PAPPA2: variants seen among roughly 807,000 people sequenced by gnomAD.
PAPPA2 encodes the protein pappalysin 2, also known as pappalysin-2.
Under a neutral mutation model 176.4 loss-of-function variants are expected in PAPPA2, and 86 were observed. The ratio of observed to expected loss-of-function variants is 0.49; its 90% CI spans 0.41 to 0.58. The LOEUF (loss-of-function observed/expected upper bound fraction) is 0.58. PAPPA2 is among the 20% of genes least tolerant of loss of function. The pLI, the probability that PAPPA2 is intolerant of heterozygous loss-of-function variation, is 0.00. For missense variants in PAPPA2, 2,073 were observed against 2,256.9 expected, an observed-to-expected ratio of 0.92 and a Z score of 1.65; for synonymous variants, 809 against 852.2, an observed-to-expected ratio of 0.95 and a Z score of 0.88.
chr1:176,550,607 G>A (rs1258802403), intron 1 of PAPPA2, among the ~76,000 whole-genome samples: 1 of 152,180 alleles, frequency 6.6e-6, no homozygotes, highest in African/African-American at 2.4e-5. Context: ...GAGGTGTTGG[G>A]AAACTTAACC....
intron 14 of PAPPA2, among the ~76,000 whole-genome samples, chr1:176,740,980 A>G (rs979605273): frequency 1.3e-5 from 2 of 152,150 alleles, no homozygotes; most frequent in Non-Finnish European, 2.9e-5. Flanking sequence ...GAAGTGCTCC[A>G]TCACCAAAAA....
chr1:176,601,474 C>T (rs1654317967), intron 3 of PAPPA2, among the ~76,000 whole-genome samples: 1 of 152,164 alleles, frequency 6.6e-6, no homozygotes, highest in Non-Finnish European at 1.5e-5. Context: ...ACATCTGCAA[C>T]CCAGATGGGC....
At chr1:176,721,374 G>T (rs1191632461) in intron 12 of PAPPA2, among the ~76,000 whole-genome samples, 4 of 152,132 alleles carry the variant, frequency 2.6e-5, no homozygotes, top group Non-Finnish European at 5.9e-5. Flanking sequence ...CCTCTCCAGT[G>T]CTCTTTAATC....
intron 3 of PAPPA2, among the ~76,000 whole-genome samples, chr1:176,598,493 A>G (rs890865226): frequency 1.1e-4 from 17 of 152,208 alleles, no homozygotes; most frequent in African/African-American, 4.1e-4. Context: ...TTGTTGCAGA[A>G]CAAAGTACTA....
chr1:176,604,323 G>C (rs1654492329), intron 3 of PAPPA2, among the ~76,000 whole-genome samples: 2 of 152,138 alleles, frequency 1.3e-5, no homozygotes, highest in Non-Finnish European at 2.9e-5. Context: ...CCACTAGAAA[G>C]TAAATTCTAC....
intron 12 of PAPPA2, among the ~76,000 whole-genome samples, chr1:176,736,713 C>A (rs983176728): frequency 2.3e-4 from 34 of 150,438 alleles, no homozygotes; most frequent in South Asian, 4.2e-4. Context: ...GTTTCTATGT[C>A]CTTATGTACA....
intron 18 of PAPPA2, among the ~76,000 whole-genome samples, chr1:176,790,578 C>T (rs1665130991): frequency 6.6e-6 from 1 of 152,064 alleles, no homozygotes; most frequent in African/African-American, 2.4e-5. Context: ...TCTTAGTTTC[C>T]AGTACTCCAA....
chr1:176,502,067 G>C (rs879448496), intron 1 of PAPPA2, among the ~76,000 whole-genome samples: 14 of 152,146 alleles, frequency 9.2e-5, no homozygotes, highest in Non-Finnish European at 1.9e-4. Flanking sequence ...AAATAAGCAG[G>C]ATTGACACTT....
intron 12 of PAPPA2, among the ~76,000 whole-genome samples, chr1:176,721,890 T>G (rs1661641288): frequency 6.6e-6 from 1 of 152,134 alleles, no homozygotes; most frequent in African/African-American, 2.4e-5. Context: ...ACACCTTTTT[T>G]TGTGTATCTT....
At chr1:176,713,788 A>G (rs1661246716) in intron 12 of PAPPA2, among the ~76,000 whole-genome samples, 1 of 152,250 alleles carries the variant, frequency 6.6e-6, no homozygotes, top group African/African-American at 2.4e-5. Flanking sequence ...AGGCACATAG[A>G]TGCCTAAACA....
At chr1:176,628,175 G>A (rs1360135522) in intron 3 of PAPPA2, among the ~76,000 whole-genome samples, 1 of 151,982 alleles carries the variant, frequency 6.6e-6, no homozygotes, top group South Asian at 2.1e-4. Flanking sequence ...CTAGGTTTGG[G>A]ATTTTGCCAA....
At chr1:176,569,259 C>A (rs914048742) in intron 2 of PAPPA2, among the ~76,000 whole-genome samples, 1 of 152,230 alleles carries the variant, frequency 6.6e-6, no homozygotes, top group African/African-American at 2.4e-5. Flanking sequence ...AACACCAAAC[C>A]ATTAGCAGTG....
chr1:176,769,834 G>C, intron 16 of PAPPA2, 50 bp downstream of exon 16: 2 of 1,508,802 alleles, frequency 1.3e-6, no homozygotes, highest in Non-Finnish European at 1.8e-6. Context: ...GCCATCCCTC[G>C]CTCTTGAGGG....
At chr1:176,813,730 G>C (rs1456927219) in intron 21 of PAPPA2, among the ~76,000 whole-genome samples, 1 of 152,172 alleles carries the variant, frequency 6.6e-6, no homozygotes, top group Admixed American at 6.5e-5. Flanking sequence ...ATGCAATTCT[G>C]TAGGTTGTCT....
At chr1:176,567,148 C>G (rs1652032702) in intron 2 of PAPPA2, among the ~76,000 whole-genome samples, 1 of 152,200 alleles carries the variant, frequency 6.6e-6, no homozygotes, top group African/African-American at 2.4e-5. Flanking sequence ...TGTTTACTAC[C>G]TGTCTCAAAA....
chr1:176,690,446 T>C lies in PAPPA2; in HGVS notation c.2431+16T>C, dbSNP rs1204447549. 2 of 1,608,384 alleles carry C rather than the reference T, an allele frequency of 1.2e-6. No individual in the cohort carries two copies. Among genetic ancestry groups the C allele is most frequent in the Non-Finnish European group, 1.7e-6 (2 of 1,175,348 alleles). On this transcript the variant is annotated intron_variant, in intron 5 of 22. Coordinates refer to ENST00000367662, the MANE Select transcript of PAPPA2 (RefSeq NM_020318.3). ...AGCTACACGGGTATCACCACTGTCT[T>C]GTTTTGTTTTCTGTTAAGAATACAT...
chr1:176,798,993 A>G (rs1357411881), intron 20 of PAPPA2, among the ~76,000 whole-genome samples: 1 of 152,220 alleles, frequency 6.6e-6, no homozygotes, highest in Non-Finnish European at 1.5e-5. Context: ...GCATATTAGC[A>G]TATGTGAATG....
intron 4 of PAPPA2, among the ~76,000 whole-genome samples, chr1:176,678,438 T>G (rs1391101859): frequency 6.6e-6 from 1 of 152,158 alleles, no homozygotes; most frequent in Non-Finnish European, 1.5e-5. Context: ...TACTTTTTTT[T>G]TTTTAAAGGA....
intron 1 of PAPPA2, among the ~76,000 whole-genome samples, chr1:176,499,883 G>C (rs944297704): frequency 2.6e-5 from 4 of 152,144 alleles, no homozygotes; most frequent in Admixed American, 2.6e-4. Flanking sequence ...ACAAAGGCTT[G>C]CAACATTTTC....
Sources: allele counts gnomAD v4.1 joint callset (sites outside exome capture counted in the v4.1 genomes callset), GRCh38; gene constraint gnomAD v4.1.1; transcripts MANE v1.5; gene names NCBI Gene and HGNC (gene_info 2026-07-23, HGNC 2026-07-21).